Variants in MTHFD2L observed in about 807,000 individuals in gnomAD.
MTHFD2L encodes methylenetetrahydrofolate dehydrogenase (NADP+ dependent) 2 like, also known as bifunctional methylenetetrahydrofolate dehydrogenase/cyclohydrolase 2, mitochondrial.
A neutral mutation model predicts 34.9 loss-of-function variants in MTHFD2L; 29 were observed. The ratio of observed to expected loss-of-function variants is 0.83; its 90% CI spans 0.62 to 1.13. The LOEUF is 1.13. Among genes scored for constraint, MTHFD2L ranks in the 50% most tolerant of loss-of-function variants. The pLI is 0.00. For missense variants in MTHFD2L, 481 were observed against 446.5 expected (o/e 1.08, Z -0.70); for synonymous variants, 167 against 155.7 (o/e 1.07, Z -0.54).
chr4:74,257,430 G>T (rs1744164430), intron 6 of MTHFD2L, among the ~76,000 whole-genome samples: 1 of 152,136 alleles, frequency 6.6e-6, no homozygotes, highest in Non-Finnish European at 1.5e-5. Flanking sequence ...ATGAAGTGAT[G>T]AAGAAAGATA....
At chr4:74,127,015 G>A (rs1462303904) in intron 1 of MTHFD2L, among the ~76,000 whole-genome samples, 1 of 152,116 alleles carries the variant, frequency 6.6e-6, no homozygotes, top group African/African-American at 2.4e-5. Context: ...GGTTTTACAA[G>A]AGGCTTCCCC....
chr4:74,252,694 T>A (rs1380561), intron 6 of MTHFD2L, among the ~76,000 whole-genome samples: 39,323 of 151,926 alleles, frequency 0.26, 5,416 homozygotes, highest in African/African-American at 0.35. Flanking sequence ...TAAACTGAAC[T>A]CATCCCAGAA....
intron 6 of MTHFD2L, among the ~76,000 whole-genome samples, chr4:74,233,013 C>T (rs1391473236): frequency 3.6e-5 from 5 of 138,610 alleles, no homozygotes; most frequent in Admixed American, 1.5e-4. Flanking sequence ...TCGTATTGGT[C>T]TTAAGTTTAT....
intron 6 of MTHFD2L, among the ~76,000 whole-genome samples, chr4:74,263,999 C>A (rs1004704637): frequency 8.6e-5 from 13 of 152,030 alleles, no homozygotes; most frequent in African/African-American, 2.9e-4. Flanking sequence ...TTGACAAGAT[C>A]TATCATCCAT....
chr4:74,187,459 G>C (rs1037956699), intron 3 of MTHFD2L, among the ~76,000 whole-genome samples: 1 of 152,118 alleles, frequency 6.6e-6, no homozygotes, highest in Non-Finnish European at 1.5e-5. Flanking sequence ...AAAAGTATTT[G>C]AACAGACACT....
rs540323374 is a variant in MTHFD2L at position 74,243,046 on chromosome 4, TGA to T, written c.805+17662_805+17663del. On this transcript the variant is annotated intron_variant, in intron 6 of 7. Transcript: ENST00000325278. ...TGTAACAGCAAAATTTGAAAATTGATGAGAGAGAGAGGTGCAGGATGCTATAG... is the reference window on the plus strand; with the variant it reads ...TGTAACAGCAAAATTTGAAAATTGATGAGAGAGAGGTGCAGGATGCTATAG... Among the ~76,000 whole-genome samples, 17 of 152,098 alleles carry T rather than the reference TGA, an allele frequency of 1.1e-4. No individual in the cohort carries two copies. In the South Asian group the frequency reaches 3.5e-3, roughly 32 times the overall value.
At chr4:74,187,272 GA>G (rs1006440039) in intron 3 of MTHFD2L, among the ~76,000 whole-genome samples, 2 of 151,808 alleles carry the variant, frequency 1.3e-5, no homozygotes, top group East Asian at 1.9e-4. Flanking sequence ...ACACAAAGAG[GA>G]AAAAAACCCA....
chr4:74,123,655 A>G (rs1721871720), upstream of MTHFD2L, among the ~76,000 whole-genome samples: 2 of 152,102 alleles, frequency 1.3e-5, no homozygotes, highest in South Asian at 4.1e-4. Flanking sequence ...TTTTTATGTA[A>G]CTTAGAATGC....
chr4:74,152,015 T>G (rs1210240093), intron 1 of MTHFD2L, among the ~76,000 whole-genome samples: 1 of 152,164 alleles, frequency 6.6e-6, no homozygotes, highest in Non-Finnish European at 1.5e-5. Context: ...ATATATGAAC[T>G]GACACACTTC....
intron 6 of MTHFD2L, among the ~76,000 whole-genome samples, chr4:74,278,503 T>G (rs1746983896): frequency 6.6e-6 from 1 of 152,080 alleles, no homozygotes; most frequent in East Asian, 1.9e-4. Context: ...TAAAAAAAAT[T>G]TTTCCTGAGT....
At chr4:74,218,030 C>A (rs1442241032) in intron 5 of MTHFD2L, among the ~76,000 whole-genome samples, 2 of 152,112 alleles carry the variant, frequency 1.3e-5, no homozygotes, top group Admixed American at 1.3e-4. Context: ...TAACATGGAA[C>A]CTAGCACACT....
At chr4:74,257,156 T>C (rs1428862930) in intron 6 of MTHFD2L, among the ~76,000 whole-genome samples, 1 of 152,202 alleles carries the variant, frequency 6.6e-6, no homozygotes, top group Non-Finnish European at 1.5e-5. Flanking sequence ...TTTGTAATTC[T>C]CTTTGTAGAG....
chr4:74,131,928 T>C (rs1160172504), intron 1 of MTHFD2L, among the ~76,000 whole-genome samples: 4 of 152,136 alleles, frequency 2.6e-5, no homozygotes, highest in Admixed American at 2.6e-4. Flanking sequence ...GGGTGAAGGA[T>C]GTGAACAGAC....
At chr4:74,155,098 T>C (rs1395230480), upstream of MTHFD2L, among the ~76,000 whole-genome samples, 1 of 152,176 alleles carries the variant, frequency 6.6e-6, no homozygotes, top group African/African-American at 2.4e-5. Context: ...GTAATGTAAA[T>C]CAACAACTTT....
At chr4:74,214,001 G>T (rs914962858) in intron 5 of MTHFD2L, among the ~76,000 whole-genome samples, 1 of 151,462 alleles carries the variant, frequency 6.6e-6, no homozygotes, top group Non-Finnish European at 1.5e-5. Flanking sequence ...GATCAATTCT[G>T]CTATTGATTC....
intron 5 of MTHFD2L, chr4:74,224,141 C>T (rs1426956745): frequency 6.6e-6 from 1 of 152,002 alleles, no homozygotes; most frequent in Non-Finnish European, 1.5e-5. Flanking sequence ...TAAAATAGCC[C>T]CTCTATGTAA....
At chr4:74,133,471 T>C (rs1416916970) in intron 1 of MTHFD2L, among the ~76,000 whole-genome samples, 2 of 152,114 alleles carry the variant, frequency 1.3e-5, no homozygotes, top group Non-Finnish European at 2.9e-5. Flanking sequence ...TGAGGTAATT[T>C]TCTATATTTT....
chr4:74,127,527 C>T (rs1722166478), intron 1 of MTHFD2L, among the ~76,000 whole-genome samples: 1 of 152,140 alleles, frequency 6.6e-6, no homozygotes, highest in Admixed American at 6.6e-5. Context: ...TGGCTTATTT[C>T]ACTTAACATA....
chr4:74,167,962 C>A (rs913348638), intron 1 of MTHFD2L, among the ~76,000 whole-genome samples: 1 of 152,136 alleles, frequency 6.6e-6, no homozygotes, highest in Admixed American at 6.5e-5. Flanking sequence ...GTTCCACTCT[C>A]AAAATAGATT....
Sources: allele counts gnomAD v4.1 joint callset (sites outside exome capture counted in the v4.1 genomes callset), GRCh38; gene constraint gnomAD v4.1.1; transcripts MANE v1.5; gene names NCBI Gene and HGNC (gene_info 2026-07-23, HGNC 2026-07-21).